Variants in DSTYK observed in about 807,000 individuals in gnomAD.
DSTYK encodes dual serine/threonine and tyrosine protein kinase.
In DSTYK, 34 loss-of-function variants were observed where a neutral mutation model predicts 98.7. That is an observed-to-expected ratio of 0.34 (90% CI 0.26 to 0.46). The LOEUF is 0.46. Among genes scored for constraint, DSTYK ranks in the 20% least tolerant of loss-of-function variants. DSTYK has a pLI of 1.00. For synonymous variants in DSTYK, 462 were observed against 457.3 expected (o/e 1.01, Z -0.13); for missense variants, 962 against 1,181.7 (o/e 0.81, Z 2.73).
chr1:205,148,141 A>G (rs1337397936), intron 12 of DSTYK, 64 bp downstream of exon 12: 1 of 1,601,172 alleles, frequency 6.2e-7, no homozygotes, highest in South Asian at 1.1e-5. Context: ...ACCCGGTGAC[A>G]TTGCCTGGGC....
chr1:205,160,214 A>T lies in DSTYK; in HGVS notation c.2005T>A (p.Cys669Ser). ...GRGQYGVVYL[C>S]DNWGGHFPCA... ...GGGAAGTGTCCTCCCCAGTTGTCAC[A>T]CAGGTATACCACACCATACTGGCCC... Residue 669 changes from cysteine (C) to serine (S), a missense_variant, in exon 8 of 13, where the codon TGT (cysteine) becomes AGT (serine). Physicochemically the swap from Cys to Ser is moderately radical, Grantham distance 112. This residue lies in a region of DSTYK where 660 missense variants were observed against 855.0 expected (regional missense o/e 0.77). Coordinates refer to ENST00000367162, the MANE Select transcript of DSTYK (RefSeq NM_015375.3). The T allele has an allele frequency of 1.2e-6, 2 of 1,614,226 alleles. No homozygotes were observed. Among genetic ancestry groups the T allele is most frequent in the Non-Finnish European group, 1.7e-6 (2 of 1,180,026 alleles).
chr1:205,183,846 G>T (rs1658490896), intron 2 of DSTYK, among the ~76,000 whole-genome samples: 1 of 152,162 alleles, frequency 6.6e-6, no homozygotes, highest in South Asian at 2.1e-4. Context: ...CACGAAGGTT[G>T]CAAGGCCCTC....
chr1:205,189,038 G>A (rs1382730806), intron 1 of DSTYK, among the ~76,000 whole-genome samples: 1 of 151,838 alleles, frequency 6.6e-6, no homozygotes, highest in Non-Finnish European at 1.5e-5. Context: ...CCCACATATC[G>A]AAATACCACA....
chr1:205,185,405 G>A (rs1191470715), intron 2 of DSTYK, among the ~76,000 whole-genome samples: 1 of 151,722 alleles, frequency 6.6e-6, no homozygotes, highest in Admixed American at 6.6e-5. Context: ...TAGAGACAGG[G>A]TCTCACTATG....
chr1:205,145,014 G>C lies in DSTYK; in HGVS notation c.*2544C>G, dbSNP rs954210860. 1.3e-5 allele frequency: 2 copies of C among 152,128 alleles called. No individual in the cohort carries two copies. Among genetic ancestry groups the C allele is most frequent in the African/African-American group, 4.8e-5 (2 of 41,416 alleles). The allele number at this position is 152,128 out of a possible 1,614,324, so 9.4% of individuals were successfully genotyped here. A position where few individuals can be genotyped will look rare whatever the true frequency, so the allele number is the denominator to read the frequency against. ...AGTCAAAAGAAAACAGTCTGGAAAGGGAACTATATAAGACTTTTCCTAAAA... is the reference window on the plus strand; with the variant it reads ...AGTCAAAAGAAAACAGTCTGGAAAGCGAACTATATAAGACTTTTCCTAAAA... On this transcript the variant is annotated 3_prime_UTR_variant, in exon 13 of 13. Coordinates refer to ENST00000367162, the MANE Select transcript of DSTYK (RefSeq NM_015375.3).
At chr1:205,176,689 T>C (rs1191109416) in intron 2 of DSTYK, among the ~76,000 whole-genome samples, 1 of 151,294 alleles carries the variant, frequency 6.6e-6, no homozygotes, top group Non-Finnish European at 1.5e-5. Flanking sequence ...GCGATCCTCC[T>C]GCCTCAGCCT....
Position 205,150,459 on chromosome 1 carries a change from G to T in DSTYK, c.2467+221C>A, listed in dbSNP as rs1357095042. On this transcript the variant is annotated intron_variant, in intron 11 of 12. Coordinates refer to ENST00000367162, the MANE Select transcript of DSTYK (RefSeq NM_015375.3). The surrounding 1 kb of genome is among the most constrained non-coding windows in gnomAD (Gnocchi z 4.1). ...GCAGTTATGGCACTAATAACCGAGA[G>T]AGATGTCCAAATGGTGATTCCCATT... Among the ~76,000 whole-genome samples the T allele has an allele frequency of 1.3e-5, 2 of 152,126 alleles. No homozygotes were observed. Among genetic ancestry groups the T allele is most frequent in the African/African-American group, 2.4e-5 (1 of 41,434 alleles).
chr1:205,151,978 AAAAGT>A (rs935797433), intron 10 of DSTYK, among the ~76,000 whole-genome samples: 39 of 152,290 alleles, frequency 2.6e-4, no homozygotes, highest in African/African-American at 8.2e-4. Context: ...TGAAAAGATA[AAAAGT>A]ATAGTACAGT....
At chr1:205,209,741 C>T (rs1377960453) in intron 1 of DSTYK, among the ~76,000 whole-genome samples, 2 of 150,684 alleles carry the variant, frequency 1.3e-5, no homozygotes, top group African/African-American at 4.9e-5. Flanking sequence ...AAGCGCAAAA[C>T]TTTGGGAATA....
At chr1:205,166,220 TG>T (rs1182907534) in intron 3 of DSTYK, among the ~76,000 whole-genome samples, 1 of 152,028 alleles carries the variant, frequency 6.6e-6, no homozygotes, top group African/African-American at 2.4e-5. Context: ...ACTGGGTGGC[TG>T]GGGGATGGTG....
At chr1:205,162,601 A>T (rs1657762029) in intron 5 of DSTYK, among the ~76,000 whole-genome samples, 1 of 152,256 alleles carries the variant, frequency 6.6e-6, no homozygotes, top group Admixed American at 6.5e-5. Context: ...GCTGGGAAAA[A>T]GAAATATGAA....
intron 2 of DSTYK, among the ~76,000 whole-genome samples, chr1:205,177,132 A>C (rs1398273647): frequency 6.6e-6 from 1 of 152,120 alleles, no homozygotes; most frequent in African/African-American, 2.4e-5. Flanking sequence ...CCTTGAGCCT[A>C]GGAAGTTGAG....
In DSTYK at chr1:205,150,652, A is replaced by G; in HGVS notation, c.2467+28T>C. ...AGGATTAAAGTAGTACGCCCTGCCC[A>G]GACCCACTGCCTGCCCTCCAGCCTT... On this transcript the variant is annotated intron_variant, in intron 11 of 12. Transcript: ENST00000367162. This position sits in a 1 kb window ranked among gnomAD's most constrained non-coding sequence, Gnocchi z 4.1. 1 of 1,567,618 alleles carries G rather than the reference A, an allele frequency of 6.4e-7. No individual in the cohort carries two copies. Among genetic ancestry groups the G allele is most frequent in the Non-Finnish European group, 8.8e-7 (1 of 1,139,008 alleles).
chr1:205,163,625 C>T, intron 4 of DSTYK, 98 bp downstream of exon 4: 2 of 993,344 alleles, frequency 2.0e-6, no homozygotes, highest in Non-Finnish European at 3.0e-6. Context: ...TCGCAAGAAG[C>T]TGAAAGGGAA....
chr1:205,205,361 C>T (rs558071703), intron 1 of DSTYK, among the ~76,000 whole-genome samples: 2 of 152,232 alleles, frequency 1.3e-5, no homozygotes, highest in East Asian at 3.9e-4. Context: ...TTCATCCCTT[C>T]CCCAAATGTC....
intron 3 of DSTYK, among the ~76,000 whole-genome samples, chr1:205,166,149 A>C (rs1657882789): frequency 6.6e-6 from 1 of 152,230 alleles, no homozygotes; most frequent in Non-Finnish European, 1.5e-5. Context: ...ATATTTATGG[A>C]ATGCCCTCTA....
chr1:205,157,524 C>G, intron 9 of DSTYK, 138 bp from the exon 10 acceptor site: 1 of 612,328 alleles, frequency 1.6e-6, no homozygotes, highest in Non-Finnish European at 2.8e-6. Flanking sequence ...CCTGTAACCC[C>G]AGCACTTAGG....
At chr1:205,207,985 T>G (rs1659259526) in intron 1 of DSTYK, among the ~76,000 whole-genome samples, 1 of 151,842 alleles carries the variant, frequency 6.6e-6, no homozygotes. Flanking sequence ...CAAGTGATTC[T>G]CCTGCCTCAG....
rs113377198 is a variant in DSTYK at position 205,145,607 on chromosome 1, T to A, written c.*1951A>T. ...GCAGTGGCGTGATCTCGGCTCACCATGACCTCTGCCTCCCGGGTTCAAGTG... is the reference window on the plus strand; with the variant it reads ...GCAGTGGCGTGATCTCGGCTCACCAAGACCTCTGCCTCCCGGGTTCAAGTG... On this transcript the variant is annotated 3_prime_UTR_variant, in exon 13 of 13. Coordinates refer to ENST00000367162, the MANE Select transcript of DSTYK (RefSeq NM_015375.3). The A allele has an allele frequency of 6.8e-6, 1 of 146,972 alleles. No homozygotes were observed. The highest frequency in any genetic ancestry group is 2.5e-5 in the African/African-American group (1 of 40,648). 9.1% of individuals were successfully genotyped at this position (146,972 alleles called of 1,614,324 possible).
Sources: allele counts gnomAD v4.1 joint callset (sites outside exome capture counted in the v4.1 genomes callset), GRCh38; gene constraint gnomAD v4.1.1; regional missense constraint gnomAD v4.1.1; non-coding constraint Gnocchi (gnomAD v3.1); transcripts MANE v1.5; gene names NCBI Gene and HGNC (gene_info 2026-07-23, HGNC 2026-07-21).